CCDC186: variants seen among roughly 807,000 people sequenced by gnomAD.
The protein encoded by CCDC186 is coiled-coil domain containing 186.
A neutral mutation model predicts 113.7 loss-of-function variants in CCDC186; 49 were observed. The ratio of observed to expected loss-of-function variants is 0.43; its 90% CI spans 0.34 to 0.55. CCDC186 has a LOEUF of 0.55. Ranked by LOEUF, CCDC186 falls within the 20% of genes least tolerant of loss-of-function variation. CCDC186 has a pLI of 0.02. For synonymous variants in CCDC186, 355 were observed against 345.8 expected, an observed-to-expected ratio of 1.03 and a Z score of -0.30; for missense variants, 890 against 1,011.1, an observed-to-expected ratio of 0.88 and a Z score of 1.62.
At chr10:114,139,640 TA>T (rs1334299280) in intron 6 of CCDC186, among the ~76,000 whole-genome samples, 5 of 152,076 alleles carry the variant, frequency 3.3e-5, no homozygotes, top group Non-Finnish European at 7.4e-5. Context: ...ATCTACCATG[TA>T]AGTACTGAAA....
chr10:114,169,972 A>C (rs1017237374), intron 1 of CCDC186, among the ~76,000 whole-genome samples: 1 of 152,178 alleles, frequency 6.6e-6, no homozygotes, highest in African/African-American at 2.4e-5. Flanking sequence ...ATCATAGGTC[A>C]CTGCAGCTTC....
At chr10:114,138,481 A>C (rs1425722822) in intron 6 of CCDC186, among the ~76,000 whole-genome samples, 1 of 151,224 alleles carries the variant, frequency 6.6e-6, no homozygotes, top group East Asian at 2.0e-4. Context: ...TTTAGTAGAG[A>C]TAGGTTTTGG....
At chr10:114,167,147 A>C (rs538382885) in intron 1 of CCDC186, among the ~76,000 whole-genome samples, 1 of 151,566 alleles carries the variant, frequency 6.6e-6, no homozygotes, top group Non-Finnish European at 1.5e-5. Context: ...CAGCCTCCCA[A>C]GTAGCTGGGA....
chr10:114,162,715 T>G lies in CCDC186; in HGVS notation c.554A>C (p.Asn185Thr). ...FAEHRVPNGM[N>T]KGEHALVLFE... ...CAGAACTAATGCATGTTCTCCCTTA[T>G]TCATTCCATTTGGTACTCGATGTTC... is the stretch of plus-strand genomic sequence containing the variant. Residue 185 changes from asparagine to threonine, a missense_variant, in exon 2 of 16, where the codon AAT (asparagine) becomes ACT (threonine). Transcript: ENST00000369287. 6.2e-7 allele frequency: 1 copy of G among 1,613,824 alleles called. No homozygotes were observed. The highest frequency in any genetic ancestry group is 1.1e-5 in the South Asian group (1 of 91,008).
At chr10:114,132,414 T>A (rs2031117169) in intron 10 of CCDC186, among the ~76,000 whole-genome samples, 1 of 152,206 alleles carries the variant, frequency 6.6e-6, no homozygotes, top group Non-Finnish European at 1.5e-5. Context: ...GGAAATTATA[T>A]GTGTAAAAAA....
intron 11 of CCDC186, 21 bp downstream of exon 11, chr10:114,131,908 A>C (rs1283576287): frequency 1.3e-6 from 2 of 1,572,210 alleles, no homozygotes; most frequent in East Asian, 2.3e-5. Flanking sequence ...TGTTTTAAAA[A>C]AAATGTAAAT....
At chr10:114,158,347 A>T (rs34312111) in intron 2 of CCDC186, among the ~76,000 whole-genome samples, 12,187 of 152,256 alleles carry the variant, frequency 0.08, 577 homozygotes, top group Middle Eastern at 0.14. Flanking sequence ...ATAAAGTCTC[A>T]AAAACTGCCT....
rs2030734163 is a variant in CCDC186, at chr10:114,121,850, G to A, written c.*3293C>T. 6.6e-6 allele frequency: 1 copy of A among 152,280 alleles called. No individual in the cohort carries two copies. The highest frequency in any genetic ancestry group is 6.5e-5 in the Admixed American group (1 of 15,274). The allele number at this position is 152,280 out of a possible 1,614,324, so 9.4% of individuals were successfully genotyped here. On this transcript the variant is annotated 3_prime_UTR_variant, in exon 16 of 16. Coordinates refer to ENST00000369287, the MANE Select transcript of CCDC186 (RefSeq NM_018017.4). ...AGACAGGGTTTCACTCTGTCACCCA[G>A]GCTGGAGTATAGAGTACAGTGGCAA...
chr10:114,149,696 AT>A (rs71007459), intron 4 of CCDC186, among the ~76,000 whole-genome samples: 121,815 of 121,882 alleles, frequency 1, 60,874 homozygotes, highest in Middle Eastern at 1. Flanking sequence ...AAAGAAAAGA[AT>A]GGAATGGAAG....
At chr10:114,152,297 CCA>C (rs2119812131) in intron 3 of CCDC186, among the ~76,000 whole-genome samples, 1 of 151,710 alleles carries the variant, frequency 6.6e-6, no homozygotes, top group South Asian at 2.1e-4. Flanking sequence ...AGCTGTGATC[CCA>C]CCATGGTACG....
chr10:114,162,853 C>T lies in CCDC186; in HGVS notation c.416G>A (p.Ser139Asn), dbSNP rs149190193. 2.6e-4 allele frequency: 412 copies of T among 1,613,938 alleles called. 2 individuals are homozygous for T. The African/African-American group carries it at 4.8e-3, about 19-fold the overall frequency. The change falls in exon 2 of 16, where the codon AGC (serine) becomes AAC (asparagine). Residue 139 changes from serine to asparagine, a missense_variant. By Grantham distance (46) the Ser-to-Asn change is conservative (BLOSUM62 1). Transcript: ENST00000369287. ...CTTGGTGCAGTCTGTATCATAGGGG[C>T]TTTCTGAATAAGTCTTTTCATTAGC... ...ESANEKTYSESPYDTDCTKKF... is the reference protein window; with the variant it reads ...ESANEKTYSENPYDTDCTKKF...
rs543827334 is a variant in CCDC186, at chr10:114,157,144, T to A, written c.759+410A>T. On this transcript the variant is annotated intron_variant, in intron 3 of 15. Transcript: ENST00000369287. Reference sequence around the variant, plus strand: ...CTCTGCATTTAAAATATGATTTACCTTATAGAACTCCAACCTACATGCAAG... The same window carrying A: ...CTCTGCATTTAAAATATGATTTACCATATAGAACTCCAACCTACATGCAAG... 5.7e-4 allele frequency among the ~76,000 whole-genome samples: 87 copies of A among 151,992 alleles called. 1 individual carries two copies. Among genetic ancestry groups the A allele is most frequent in the African/African-American group, 2.1e-3 (85 of 41,450 alleles).
In CCDC186 at chr10:114,166,454, A is replaced by G. The variant is rs116260818; in HGVS notation, c.-61-3125T>C. 5.4e-3 allele frequency among the ~76,000 whole-genome samples: 829 copies of G among 152,364 alleles called. 15 individuals are homozygous for G. Among genetic ancestry groups the G allele is most frequent in the African/African-American group, 0.019 (783 of 41,588 alleles). Reference sequence around the variant, plus strand: ...AAAATAGTCTCTCAGGGTAAATTTAAAAACACTGCATTTACACTCATCAAG... The same window carrying G: ...AAAATAGTCTCTCAGGGTAAATTTAGAAACACTGCATTTACACTCATCAAG... On this transcript the variant is annotated intron_variant, in intron 1 of 15. Transcript: ENST00000369287.
intron 9 of CCDC186, among the ~76,000 whole-genome samples, chr10:114,135,290 A>C (rs949779547): frequency 7.2e-5 from 11 of 152,144 alleles, no homozygotes; most frequent in African/African-American, 2.2e-4. Context: ...CACCTGAAAA[A>C]GAATATATCT....
In CCDC186 at chr10:114,125,874, A is replaced by G; in HGVS notation, c.2613+12T>C. 6.2e-7 allele frequency: 1 copy of G among 1,609,154 alleles called. No homozygotes were observed. Among genetic ancestry groups the G allele is most frequent in the Non-Finnish European group, 8.5e-7 (1 of 1,175,704 alleles). On this transcript the variant is annotated intron_variant, in intron 15 of 15. Transcript: ENST00000369287. ...GTTTACTGGTTGGTGTGTGAATGAG[A>G]AACACAAATACCTTCAAAGTAATAT... is the stretch of plus-strand genomic sequence containing the variant.
At chr10:114,168,049 T>C (rs909279298) in intron 1 of CCDC186, 8 of 152,174 alleles carry the variant, frequency 5.3e-5, no homozygotes, top group Non-Finnish European at 1.2e-4. Context: ...ATTACAATTA[T>C]AGATTATAAT....
At position 114,135,008 on chromosome 10, in the gene CCDC186, T is replaced by G; in HGVS notation, c.1560A>C (p.Ser520=). Residue 520 remains serine, a synonymous_variant, in exon 10 of 16, where the codon TCA becomes TCC. Coordinates refer to ENST00000369287, the MANE Select transcript of CCDC186 (RefSeq NM_018017.4). The stretch of plus-strand genomic sequence containing the variant: ...GGCGATTAATAATTTCCTTATATTT[T>G]GATAATTCATCTTCTGTTCTTAATC... ...DERLRTEDEL[S]KYKEIINRQK... The G allele has an allele frequency of 6.2e-7, 1 of 1,611,670 alleles. No individual in the cohort carries two copies. The highest frequency in any genetic ancestry group is 8.5e-7 in the Non-Finnish European group (1 of 1,179,356).
chr10:114,137,354 C>T (rs748328267), intron 6 of CCDC186, 64 bp from the exon 7 acceptor site: 68 of 1,114,440 alleles, frequency 6.1e-5, no homozygotes, highest in African/African-American at 3.7e-4. Flanking sequence ...AAGAAGTGAC[C>T]GGCAAGTAGG....
At chr10:114,167,512 C>T (rs545075474) in intron 1 of CCDC186, among the ~76,000 whole-genome samples, 3 of 151,946 alleles carry the variant, frequency 2.0e-5, no homozygotes, top group Non-Finnish European at 4.4e-5. Context: ...GTTGACAATA[C>T]TGATACAAGC....
Sources: gnomAD v4.1 joint callset for allele counts (sites outside exome capture counted in the v4.1 genomes callset) on GRCh38, gnomAD v4.1.1 for gene constraint, MANE v1.5 for transcripts, NCBI Gene and HGNC (gene_info 2026-07-23, HGNC 2026-07-21) for gene names.